The following CCDC171 variants were observed in gnomAD, a reference collection of about 807,000 sequenced individuals.
CCDC171 encodes the protein coiled-coil domain-containing protein 171.
A neutral mutation model predicts 168.2 loss-of-function variants in CCDC171; 177 were observed. That is an observed-to-expected ratio of 1.05 (90% CI 0.93 to 1.19). CCDC171 has a LOEUF of 1.19. CCDC171 is among the 50% of genes most tolerant of loss of function. The probability of loss-of-function intolerance (pLI) is 0.00; values close to 1 mark genes in which losing one functional copy is unlikely to be tolerated. For missense variants in CCDC171, 1,991 were observed against 1,539.0 expected (o/e 1.29, Z -4.91); for synonymous variants, 687 against 540.8 (o/e 1.27, Z -3.75).
chr9:16,069,542 T>C, the CCDC171 span, among the ~76,000 whole-genome samples: 3 of 152,294 alleles, frequency 2.0e-5, no homozygotes, highest in East Asian at 5.8e-4. Context: ...TTTGATGAAA[T>C]ATTGGCTAAC....
intron 6 of CCDC171, among the ~76,000 whole-genome samples, chr9:15,602,748 C>G (rs1330469667): frequency 6.7e-6 from 1 of 149,716 alleles, no homozygotes; most frequent in Non-Finnish European, 1.5e-5. Flanking sequence ...CTCTCCGCCT[C>G]CCGGGTTTAA....
At chr9:16,099,398 T>C in the CCDC171 span, among the ~76,000 whole-genome samples, 1 of 152,220 alleles carries the variant, frequency 6.6e-6, no homozygotes, top group African/African-American at 2.4e-5. Context: ...CAGAAGGTTC[T>C]GGTGAGCAAG....
At chr9:15,889,305 A>G (rs924006914) in intron 24 of CCDC171, among the ~76,000 whole-genome samples, 3 of 152,052 alleles carry the variant, frequency 2.0e-5, no homozygotes, top group African/African-American at 7.2e-5. Context: ...TTTCAGATAA[A>G]GGAATGTGAG....
chr9:15,797,212 T>C (rs767246475), intron 21 of CCDC171, among the ~76,000 whole-genome samples: 9 of 152,116 alleles, frequency 5.9e-5, no homozygotes, highest in Non-Finnish European at 1.2e-4. Context: ...CATGTGATAT[T>C]TGATTGATTG....
At chr9:15,637,804 A>AT in intron 7 of CCDC171, among the ~76,000 whole-genome samples, 1 of 151,894 alleles carries the variant, frequency 6.6e-6, no homozygotes, top group Non-Finnish European at 1.5e-5. Context: ...TGAACTCATC[A>AT]TTTTTTATGG....
chr9:15,951,335 C>G (rs1368123615), intron 25 of CCDC171, among the ~76,000 whole-genome samples: 1 of 151,912 alleles, frequency 6.6e-6, no homozygotes, highest in Non-Finnish European at 1.5e-5. Flanking sequence ...TTTTCAGCAC[C>G]ACACCACACC....
At chr9:15,773,467 C>T (rs942805987) in intron 18 of CCDC171, among the ~76,000 whole-genome samples, 3 of 152,104 alleles carry the variant, frequency 2.0e-5, no homozygotes, top group Admixed American at 2.0e-4. Flanking sequence ...ACATTTTTCC[C>T]CCTTCTATTG....
chr9:15,782,232 G>GCTATTTAGTA (rs1272555283), intron 20 of CCDC171, among the ~76,000 whole-genome samples: 2 of 152,184 alleles, frequency 1.3e-5, no homozygotes, highest in Non-Finnish European at 2.9e-5. Flanking sequence ...CTCACCGAAA[G>GCTATTTAGTA]CTATTTAGTA....
In CCDC171 at chr9:16,037,624, A is replaced by C. The variant is rs182698674; in HGVS notation, n.1181+1418A>C. Among the ~76,000 whole-genome samples, 9 of 152,338 alleles carry C rather than the reference A, an allele frequency of 5.9e-5. No individual in the cohort carries two copies. In the East Asian group the frequency reaches 1.7e-3, roughly 29 times the overall value. On this transcript the variant is annotated intron_variant and non_coding_transcript_variant, in intron 8 of 9. Transcript: ENST00000486641. ...AATTGAAAACATAATAAATTATGAC[A>C]ATATATAAGGTACCATGAAAAAATA...
chr9:15,949,514 C>A (rs561651154), intron 25 of CCDC171, among the ~76,000 whole-genome samples: 3 of 151,992 alleles, frequency 2.0e-5, no homozygotes, highest in Non-Finnish European at 2.9e-5. Flanking sequence ...GTGGTTTGTA[C>A]TTCTCCTTGA....
At chr9:15,676,463 A>G (rs2049570988) in intron 9 of CCDC171, among the ~76,000 whole-genome samples, 1 of 147,600 alleles carries the variant, frequency 6.8e-6, no homozygotes. Flanking sequence ...GAAATCACCC[A>G]TCTTCTGCGT....
intron 19 of CCDC171, 132 bp from the exon 20 acceptor site, chr9:15,778,836 C>T (rs1289433988): frequency 1.1e-5 from 6 of 569,410 alleles, no homozygotes; most frequent in Admixed American, 4.3e-5. Context: ...AAAGTTTTCA[C>T]CTCTACATTT....
At chr9:15,608,943 T>TAAAAAAA (rs2043431429) in intron 6 of CCDC171, among the ~76,000 whole-genome samples, 1 of 12,518 alleles carries the variant, frequency 8.0e-5, no homozygotes, top group Non-Finnish European at 1.4e-4. Flanking sequence ...AGACCCTGTC[T>TAAAAAAA]CAAAAAAAAA....
At chr9:15,751,561 T>G (rs201392422) in intron 18 of CCDC171, among the ~76,000 whole-genome samples, 2 of 151,984 alleles carry the variant, frequency 1.3e-5, no homozygotes, top group East Asian at 1.9e-4. Context: ...CCAAAACAGA[T>G]ATATAGACCA....
At chr9:15,884,485 A>G (rs1031960694) in intron 24 of CCDC171, among the ~76,000 whole-genome samples, 1 of 152,202 alleles carries the variant, frequency 6.6e-6, no homozygotes, top group African/African-American at 2.4e-5. Context: ...AAGTCTGTGC[A>G]ATTTACTGTA....
chr9:15,940,182 T>C (rs913257660), intron 25 of CCDC171, among the ~76,000 whole-genome samples: 1 of 151,934 alleles, frequency 6.6e-6, no homozygotes, highest in Non-Finnish European at 1.5e-5. Flanking sequence ...TAATGAAATA[T>C]ATGTAAATAC....
Position 15,675,588 on chromosome 9 carries a change from C to T in CCDC171, c.1077-3170C>T, listed in dbSNP as rs931630272. On this transcript the variant is annotated intron_variant, in intron 9 of 25. Transcript: ENST00000380701. The stretch of plus-strand genomic sequence containing the variant: ...GCCTGGTGGTGACAAAATCTCTCAG[C>T]ATTTGTTTGTCTGAAAAGGATTTTA... Among the ~76,000 whole-genome samples the T allele has an allele frequency of 9.9e-5, 15 of 152,204 alleles. No individual in the cohort carries two copies. In the South Asian group the frequency reaches 1.5e-3, roughly 15 times the overall value.
At chr9:15,966,244 G>A (rs186786181) in intron 25 of CCDC171, among the ~76,000 whole-genome samples, 3 of 152,332 alleles carry the variant, frequency 2.0e-5, no homozygotes, top group Admixed American at 2.0e-4. Flanking sequence ...CCTTATGAAA[G>A]AGGCAGACCT....
intron 14 of CCDC171, among the ~76,000 whole-genome samples, chr9:15,726,255 G>T (rs1032405136): frequency 6.6e-6 from 1 of 152,148 alleles, no homozygotes; most frequent in Non-Finnish European, 1.5e-5. Flanking sequence ...TGTCTACAGC[G>T]CTGTGGTTGG....
Sources: gnomAD v4.1 joint callset for allele counts (sites outside exome capture counted in the v4.1 genomes callset) on GRCh38, gnomAD v4.1.1 for gene constraint, MANE v1.5 for transcripts, NCBI Gene and HGNC (gene_info 2026-07-23, HGNC 2026-07-21) for gene names.